The following RABGAP1L variants were observed in gnomAD, a reference collection of about 807,000 sequenced individuals.
The protein encoded by RABGAP1L is RAB GTPase activating protein 1 like.
In RABGAP1L, 63 loss-of-function variants were observed where a neutral mutation model predicts 137.7. The observed-to-expected ratio is 0.46, with a 90% CI of 0.37 to 0.56. The LOEUF (loss-of-function observed/expected upper bound fraction) is 0.56. Among genes scored for constraint, RABGAP1L ranks in the 20% least tolerant of loss-of-function variants. The probability of loss-of-function intolerance (pLI) is 0.00; values close to 1 mark genes in which losing one functional copy is unlikely to be tolerated. For missense variants in RABGAP1L, 1,095 were observed against 1,244.0 expected, an observed-to-expected ratio of 0.88 and a Z score of 1.80; for synonymous variants, 431 against 433.7, an observed-to-expected ratio of 0.99 and a Z score of 0.08.
At chr1:174,318,989 A>G (rs1296498739) in intron 11 of RABGAP1L, among the ~76,000 whole-genome samples, 1 of 152,064 alleles carries the variant, frequency 6.6e-6, no homozygotes, top group Admixed American at 6.6e-5. Context: ...CTTCATACTG[A>G]AGATGTAAGT....
chr1:174,307,501 C>G (rs908213643), intron 11 of RABGAP1L, among the ~76,000 whole-genome samples: 1 of 152,088 alleles, frequency 6.6e-6, no homozygotes, highest in African/African-American at 2.4e-5. Context: ...AATCTGCTTT[C>G]TATCTCTATG....
intron 12 of RABGAP1L, among the ~76,000 whole-genome samples, chr1:174,392,141 G>A (rs1339105980): frequency 6.6e-6 from 1 of 152,070 alleles, no homozygotes; most frequent in African/African-American, 2.4e-5. Flanking sequence ...TTAATTTAAA[G>A]CCACGAGAGA....
chr1:174,565,547 CT>C (rs1667519429), intron 13 of RABGAP1L, among the ~76,000 whole-genome samples: 1 of 152,042 alleles, frequency 6.6e-6, no homozygotes, highest in East Asian at 1.9e-4. Flanking sequence ...CTCTTATGTT[CT>C]CCCCTGAATT....
chr1:174,728,901 A>G (rs547700421), intron 17 of RABGAP1L, among the ~76,000 whole-genome samples: 3 of 152,112 alleles, frequency 2.0e-5, no homozygotes, highest in Admixed American at 1.3e-4. Flanking sequence ...TCAGCCTCCC[A>G]AAATACTGGG....
At chr1:174,432,791 C>T (rs1008960275) in intron 13 of RABGAP1L, among the ~76,000 whole-genome samples, 1 of 152,182 alleles carries the variant, frequency 6.6e-6, no homozygotes, top group Non-Finnish European at 1.5e-5. Flanking sequence ...CTGCCTCGGC[C>T]TCTGAAAGTG....
chr1:174,202,592 T>G (rs569085881), intron 1 of RABGAP1L, among the ~76,000 whole-genome samples: 37 of 152,284 alleles, frequency 2.4e-4, no homozygotes, highest in Admixed American at 1.6e-3. Flanking sequence ...TTTCTCCCAT[T>G]TTGTAGGTTG....
chr1:174,636,578 G>A (rs969941741), intron 13 of RABGAP1L, among the ~76,000 whole-genome samples: 8 of 151,384 alleles, frequency 5.3e-5, no homozygotes, highest in African/African-American at 1.9e-4. Context: ...GTAGCTTCCT[G>A]TTTTGTGGAA....
chr1:174,987,946 A>G, intron 24 of RABGAP1L, among the ~76,000 whole-genome samples: 1 of 152,158 alleles, frequency 6.6e-6, no homozygotes, highest in South Asian at 2.1e-4. Context: ...AGTAGCTGGG[A>G]CTATAGGCGT....
intron 15 of RABGAP1L, among the ~76,000 whole-genome samples, chr1:174,697,239 C>T (rs751864747): frequency 4.6e-5 from 7 of 152,146 alleles, no homozygotes; most frequent in Non-Finnish European, 8.8e-5. Flanking sequence ...CTTTATAAGA[C>T]ATCAGATGGT....
At chr1:174,261,211 G>A (rs1673554178) in intron 7 of RABGAP1L, among the ~76,000 whole-genome samples, 1 of 152,118 alleles carries the variant, frequency 6.6e-6, no homozygotes, top group Admixed American at 6.6e-5. Context: ...TCAATTTGCA[G>A]TGAGTAACAT....
chr1:174,421,822 A>C (rs1425714184), intron 13 of RABGAP1L, among the ~76,000 whole-genome samples: 1 of 152,154 alleles, frequency 6.6e-6, no homozygotes, highest in African/African-American at 2.4e-5. Context: ...AGGCTGGAGT[A>C]CAGTGGCACG....
chr1:174,596,514 A>G (rs1288833778), intron 13 of RABGAP1L, among the ~76,000 whole-genome samples: 1 of 151,942 alleles, frequency 6.6e-6, no homozygotes, highest in Non-Finnish European at 1.5e-5. Flanking sequence ...TCTTTTTCAG[A>G]TTGTTCATTG....
At position 174,993,183 on chromosome 1, in the gene RABGAP1L, T is replaced by C. The variant is rs954554487; in HGVS notation, c.*3182T>C. The C allele has an allele frequency of 5.9e-5, 9 of 152,356 alleles. No individual in the cohort carries two copies. The highest frequency in any genetic ancestry group is 1.9e-4 in the African/African-American group (8 of 41,590). 9.4% of individuals were successfully genotyped at this position (152,356 alleles called of 1,614,324 possible). The stretch of plus-strand genomic sequence containing the variant: ...CAAAATTTGGTTTTATTTAGTTACA[T>C]ATAATTTAATGCAAAGAAATTCTGT... On this transcript the variant is annotated 3_prime_UTR_variant, in exon 26 of 26. Coordinates refer to ENST00000681986, the MANE Select transcript of RABGAP1L (RefSeq NM_001366446.1).
chr1:174,448,408 G>T lies in RABGAP1L; in HGVS notation c.1710+54263G>T, dbSNP rs141857283. The T allele has an allele frequency of 3.1e-6, 5 of 1,613,254 alleles. No homozygotes were observed. The highest frequency in any genetic ancestry group is 4.2e-6 in the Non-Finnish European group (5 of 1,179,224). On this transcript the variant is annotated intron_variant, in intron 13 of 25. Transcript: ENST00000681986. The surrounding 1 kb of genome is among the most constrained non-coding windows in gnomAD (Gnocchi z 4.2). Reference sequence around the variant, plus strand: ...GAGTTAGCTGCTTGGTTCCTACTCTGTCACTTCTCCACTACTCCACAGGTG... The same window carrying T: ...GAGTTAGCTGCTTGGTTCCTACTCTTTCACTTCTCCACTACTCCACAGGTG...
chr1:174,621,276 C>T (rs376833939), intron 13 of RABGAP1L, among the ~76,000 whole-genome samples: 3 of 152,030 alleles, frequency 2.0e-5, no homozygotes, highest in Non-Finnish European at 4.4e-5. Context: ...TGGCCATACT[C>T]CCCAAGGTAA....
At chr1:174,237,217 T>G (rs1182230378) in intron 4 of RABGAP1L, among the ~76,000 whole-genome samples, 1 of 146,862 alleles carries the variant, frequency 6.8e-6, no homozygotes, top group African/African-American at 2.5e-5. Context: ...GTCTTGACTC[T>G]TTATCCAATT....
At chr1:174,979,351 C>G (rs769239599) in intron 23 of RABGAP1L, among the ~76,000 whole-genome samples, 1 of 152,136 alleles carries the variant, frequency 6.6e-6, no homozygotes, top group Non-Finnish European at 1.5e-5. Flanking sequence ...TAACTTATTA[C>G]TTATAGCTTA....
In RABGAP1L at chr1:174,221,104, A is replaced by C; in HGVS notation, c.271A>C (p.Ile91Leu). 6.2e-7 allele frequency: 1 copy of C among 1,613,840 alleles called. No individual in the cohort carries two copies. The highest frequency in any genetic ancestry group is 2.2e-5 in the East Asian group (1 of 44,844). ...GATTTCAGACCATTCGTTTGGAGAT[A>C]TTCCAGCCAGCCAAACAAATAAGCC... ...SEISDHSFGD[I>L]PASQTNKPSL... Residue 91 changes from isoleucine (I) to leucine (L), a missense_variant, in exon 3 of 26, where the codon ATT becomes CTT. Around this residue, in one of 4 missense-constraint regions of RABGAP1L, gnomAD observed 356 missense variants for 326.3 expected, o/e 1.09. Transcript: ENST00000681986.
At chr1:174,501,005 C>T (rs1425660423) in intron 13 of RABGAP1L, among the ~76,000 whole-genome samples, 1 of 151,876 alleles carries the variant, frequency 6.6e-6, no homozygotes, top group South Asian at 2.1e-4. Flanking sequence ...AGAAACTAAA[C>T]ATTTTCTAAT....
Sources: allele counts gnomAD v4.1 joint callset (sites outside exome capture counted in the v4.1 genomes callset), GRCh38; gene constraint gnomAD v4.1.1; regional missense constraint gnomAD v4.1.1; non-coding constraint Gnocchi (gnomAD v3.1); transcripts MANE v1.5; gene names NCBI Gene and HGNC (gene_info 2026-07-23, HGNC 2026-07-21).